GARRE1: variants seen among roughly 807,000 people sequenced by gnomAD.
GARRE1 encodes the protein granule associated Rac and RHOG effector 1.
In GARRE1, 49 loss-of-function variants were observed where a neutral mutation model predicts 103.2. The observed-to-expected ratio is 0.47, with a 90% CI of 0.38 to 0.60. The LOEUF (loss-of-function observed/expected upper bound fraction) is 0.60, where lower values mean the gene tolerates loss of function less well. Among genes scored for constraint, GARRE1 ranks in the 20% least tolerant of loss-of-function variants. The probability of loss-of-function intolerance (pLI) is 0.00; values close to 1 mark genes in which losing one functional copy is unlikely to be tolerated. For synonymous variants in GARRE1, 505 were observed against 532.8 expected (o/e 0.95, Z 0.72); for missense variants, 1,199 against 1,370.5 (o/e 0.87, Z 1.98).
chr19:34,275,849 A>T (rs1400464823), intron 1 of GARRE1, among the ~76,000 whole-genome samples: 1 of 152,226 alleles, frequency 6.6e-6, no homozygotes, highest in Non-Finnish European at 1.5e-5. Flanking sequence ...TGAGCAGTAT[A>T]TGAGGATTCC....
chr19:34,320,637 TTG>T (rs2074082771), intron 3 of GARRE1, among the ~76,000 whole-genome samples: 1 of 152,150 alleles, frequency 6.6e-6, no homozygotes, highest in African/African-American at 2.4e-5. Flanking sequence ...ACAGGGAATT[TTG>T]TGTTTTTTGT....
rs1044129854 is a variant in GARRE1 at position 34,296,168 on chromosome 19, C to T, written c.-795-3511C>T. ...GATCCCTCGCTTTTTTTTTTTCTTGCGTCAGTTTGTTTGTACAAATAGCAC... is the reference window on the plus strand; with the variant it reads ...GATCCCTCGCTTTTTTTTTTTCTTGTGTCAGTTTGTTTGTACAAATAGCAC... On this transcript the variant is annotated intron_variant, in intron 1 of 13. Coordinates refer to ENST00000299505, the MANE Select transcript of GARRE1 (RefSeq NM_014686.5). The T allele has an allele frequency of 4.5e-5, 14 of 308,640 alleles. No individual in the cohort carries two copies. In the South Asian group the frequency reaches 1.0e-3, roughly 23 times the overall value. 19.1% of individuals were successfully genotyped at this position (308,640 alleles called of 1,614,324 possible).
chr19:34,289,734 TAA>T (rs528568162), intron 1 of GARRE1, among the ~76,000 whole-genome samples: 130 of 146,546 alleles, frequency 8.9e-4, no homozygotes, highest in Admixed American at 2.2e-3. Context: ...AAAAAAAAAA[TAA>T]AAAAAAGTAA....
chr19:34,348,586 AT>A (rs1031694614), intron 11 of GARRE1: 48 of 150,460 alleles, frequency 3.2e-4, no homozygotes, highest in Non-Finnish European at 4.0e-4. Context: ...TTATTTTTAA[AT>A]TTTTTTTTTT....
intron 1 of GARRE1, among the ~76,000 whole-genome samples, chr19:34,262,813 T>A (rs1002808501): frequency 2.0e-5 from 3 of 152,180 alleles, no homozygotes; most frequent in African/African-American, 7.2e-5. Flanking sequence ...CTCAGAGAAA[T>A]CAGTGAAAGA....
At chr19:34,311,087 G>A (rs2145251511) in intron 2 of GARRE1, among the ~76,000 whole-genome samples, 1 of 152,150 alleles carries the variant, frequency 6.6e-6, no homozygotes, top group South Asian at 2.1e-4. Context: ...TGAACTCCTG[G>A]GCTCAAGCAA....
At chr19:34,323,980 C>T (rs1267053267) in intron 3 of GARRE1, among the ~76,000 whole-genome samples, 1 of 152,184 alleles carries the variant, frequency 6.6e-6, no homozygotes, top group African/African-American at 2.4e-5. Context: ...GGCCAAGCCA[C>T]CACCACTCCT....
At chr19:34,272,359 C>A (rs541621826) in intron 1 of GARRE1, among the ~76,000 whole-genome samples, 2 of 152,020 alleles carry the variant, frequency 1.3e-5, no homozygotes, top group Non-Finnish European at 2.9e-5. Context: ...CCACCATGCC[C>A]GGCTAATTTT....
At chr19:34,347,733 C>T (rs894135930) in intron 10 of GARRE1, 144 bp from the exon 11 acceptor site, 8 of 743,278 alleles carry the variant, frequency 1.1e-5, no homozygotes, top group African/African-American at 1.8e-5. Context: ...TGGGCACAGC[C>T]TACAGCCCAC....
intron 10 of GARRE1, among the ~76,000 whole-genome samples, chr19:34,344,320 G>A (rs1051775016): frequency 1.3e-5 from 2 of 152,172 alleles, no homozygotes; most frequent in African/African-American, 4.8e-5. Flanking sequence ...GCCGGGCGCT[G>A]TGGCTCACGC....
At chr19:34,264,919 A>G (rs950558220) in intron 1 of GARRE1, among the ~76,000 whole-genome samples, 6 of 152,136 alleles carry the variant, frequency 3.9e-5, no homozygotes, top group African/African-American at 1.4e-4. Flanking sequence ...AGGCCTCTAC[A>G]TTAACCGTGA....
chr19:34,350,970 G>A (rs1016062737), intron 12 of GARRE1, among the ~76,000 whole-genome samples: 5 of 151,834 alleles, frequency 3.3e-5, no homozygotes, highest in African/African-American at 9.7e-5. Flanking sequence ...AGGCTTAGGC[G>A]GGCAGATCAC....
chr19:34,343,420 G>A (rs2074196306), intron 10 of GARRE1, among the ~76,000 whole-genome samples: 1 of 151,612 alleles, frequency 6.6e-6, no homozygotes, highest in Admixed American at 6.6e-5. Context: ...CTGGCTGACA[G>A]AGAGAAACCC....
At chr19:34,302,126 G>A (rs2073982738) in intron 2 of GARRE1, among the ~76,000 whole-genome samples, 1 of 150,642 alleles carries the variant, frequency 6.6e-6, no homozygotes, top group South Asian at 2.1e-4. Context: ...GAGTAGCTGG[G>A]ATTACAGGCA....
At chr19:34,317,994 A>C (rs2074067647) in intron 2 of GARRE1, among the ~76,000 whole-genome samples, 1 of 152,154 alleles carries the variant, frequency 6.6e-6, no homozygotes, top group Non-Finnish European at 1.5e-5. Context: ...AGGAGGTGTG[A>C]GTGGAAGCCC....
At chr19:34,310,609 C>T (rs2074031881) in intron 2 of GARRE1, among the ~76,000 whole-genome samples, 1 of 152,216 alleles carries the variant, frequency 6.6e-6, no homozygotes, top group Non-Finnish European at 1.5e-5. Flanking sequence ...CCAGCTGAGC[C>T]ACCCACCCTC....
chr19:34,269,142 A>G (rs993946090), intron 1 of GARRE1, among the ~76,000 whole-genome samples: 12 of 152,242 alleles, frequency 7.9e-5, no homozygotes, highest in Non-Finnish European at 5.9e-5. Context: ...AAAGCTCTTC[A>G]GAACCGCTAA....
chr19:34,354,213 A>G lies in GARRE1; in HGVS notation c.*1258A>G, dbSNP rs1365030179. 6.6e-6 allele frequency: 1 copy of G among 152,376 alleles called. No homozygotes were observed. Among genetic ancestry groups the G allele is most frequent in the Non-Finnish European group, 1.5e-5 (1 of 68,022 alleles). The allele number at this position is 152,376 out of a possible 1,614,324, so 9.4% of individuals were successfully genotyped here. On this transcript the variant is annotated 3_prime_UTR_variant, in exon 14 of 14. Coordinates refer to ENST00000299505, the MANE Select transcript of GARRE1 (RefSeq NM_014686.5). Reference sequence around the variant, plus strand: ...CTGGTATGAAAGTTTGACAGTATTAATATTTTTTTTATATTTTCTTAAATC... The same window carrying G: ...CTGGTATGAAAGTTTGACAGTATTAGTATTTTTTTTATATTTTCTTAAATC...
Position 34,342,236 on chromosome 19 carries a change from G to T in GARRE1, c.2302G>T (p.Val768Phe), listed in dbSNP as rs1383094857. 6.2e-7 allele frequency: 1 copy of T among 1,614,250 alleles called. No homozygotes were observed. Among genetic ancestry groups the T allele is most frequent in the Admixed American group, 1.7e-5 (1 of 60,032 alleles). Reference protein sequence around the residue: ...HGSSQQPAQAVGAGLSPLGQW... With the variant: ...HGSSQQPAQAFGAGLSPLGQW... ...CTCATCCCAGCAGCCAGCGCAGGCT[G>T]TTGGAGCAGGTCTGTCTCCTCTTGG... Residue 768 changes from valine (V) to phenylalanine (F), a missense_variant, in exon 10 of 14, where the codon GTT becomes TTT. Val to Phe is a conservative substitution (Grantham distance 50). Transcript: ENST00000299505.
Sources: allele counts gnomAD v4.1 joint callset (sites outside exome capture counted in the v4.1 genomes callset), GRCh38; gene constraint gnomAD v4.1.1; transcripts MANE v1.5; gene names NCBI Gene and HGNC (gene_info 2026-07-23, HGNC 2026-07-21).